The following JAKMIP1 variants were observed in gnomAD, a reference collection of about 807,000 sequenced individuals.
The protein encoded by JAKMIP1 is janus kinase and microtubule-interacting protein 1.
In JAKMIP1, 33 loss-of-function variants were observed where a neutral mutation model predicts 113.0. The observed-to-expected ratio is 0.29, with a 90% CI of 0.22 to 0.39. The LOEUF is 0.39. Ranked by LOEUF, JAKMIP1 falls within the 10% of genes least tolerant of loss-of-function variation. The probability of loss-of-function intolerance (pLI) is 1.00; values close to 1 mark genes in which losing one functional copy is unlikely to be tolerated. For missense variants in JAKMIP1, 813 were observed against 1,080.5 expected, an observed-to-expected ratio of 0.75 and a Z score of 3.47; for synonymous variants, 480 against 459.9, an observed-to-expected ratio of 1.04 and a Z score of -0.56.
chr4:6,071,634 C>G (rs1718971207), intron 8 of JAKMIP1, among the ~76,000 whole-genome samples: 1 of 152,200 alleles, frequency 6.6e-6, no homozygotes, highest in Non-Finnish European at 1.5e-5. Flanking sequence ...TGTTTGCTAC[C>G]CTGGACAAGG....
rs1728017489 is a variant in JAKMIP1 at position 6,197,930 on chromosome 4, G to T, written c.-148+2323C>A. On this transcript the variant is annotated intron_variant, in intron 1 of 20. Coordinates refer to ENST00000409021, the MANE Select transcript of JAKMIP1 (RefSeq NM_001099433.2). The surrounding 1 kb of genome is among the most constrained non-coding windows in gnomAD (Gnocchi z 6.5). The stretch of plus-strand genomic sequence containing the variant: ...CACCCTTACACACCAAGAGAGTGGG[G>T]CCACGGTCCTGCCACTTCCTCGTGC... 1.3e-5 allele frequency among the ~76,000 whole-genome samples: 2 copies of T among 152,340 alleles called. No individual in the cohort carries two copies. Among genetic ancestry groups the T allele is most frequent in the South Asian group, 4.1e-4 (2 of 4,824 alleles).
At chr4:6,134,465 ATCT>A (rs1718949630) in intron 1 of JAKMIP1, among the ~76,000 whole-genome samples, 2 of 152,070 alleles carry the variant, frequency 1.3e-5, no homozygotes, top group Admixed American at 6.5e-5. Context: ...CCACCTGTTC[ATCT>A]TCTTTAAAAT....
At chr4:6,085,083 C>A (rs1000112854) in intron 4 of JAKMIP1, 118 bp from the exon 5 acceptor site, 9 of 1,243,598 alleles carry the variant, frequency 7.2e-6, no homozygotes, top group Non-Finnish European at 9.8e-6. Flanking sequence ...TATTCAGGGG[C>A]CCACATGCCA....
intron 8 of JAKMIP1, among the ~76,000 whole-genome samples, chr4:6,078,442 TACA>T: frequency 6.6e-6 from 1 of 151,622 alleles, no homozygotes. Flanking sequence ...GTGCGCTCTT[TACA>T]TTCCAGATTG....
Position 6,049,008 on chromosome 4 carries a change from TC to T in JAKMIP1, c.1963-87del, listed in dbSNP as rs1715331874. The T allele has an allele frequency of 1.0e-6, 1 of 984,172 alleles. No homozygotes were observed. Among genetic ancestry groups the T allele is most frequent in the South Asian group, 1.4e-5 (1 of 72,146 alleles). 61.0% of individuals were successfully genotyped at this position (984,172 alleles called of 1,614,324 possible). ...TCAGCACCAAGCAAGTTTTTTTTTT[TC>T]GTTGTTGTTGTTTGTTTTATTATGT... On this transcript the variant is annotated intron_variant, in intron 15 of 20. Coordinates refer to ENST00000409021, the MANE Select transcript of JAKMIP1 (RefSeq NM_001099433.2). This position sits in a 1 kb window ranked among gnomAD's most constrained non-coding sequence, Gnocchi z 7.0.
rs777314238 is a variant in JAKMIP1, at chr4:6,042,133, C to T, written c.2097+26G>A. The T allele has an allele frequency of 4.4e-6, 7 of 1,597,912 alleles. No homozygotes were observed. In the African/African-American group the frequency reaches 5.4e-5, roughly 12 times the overall value. ...TCTGAGCTCTTTGAACCCTCTCCCC[C>T]ACCCCCAGGCAGTCAAATCTTTTAC... On this transcript the variant is annotated intron_variant, in intron 17 of 20. Transcript: ENST00000409021. The surrounding 1 kb of genome is among the most constrained non-coding windows in gnomAD (Gnocchi z 5.2).
At position 6,110,288 on chromosome 4, in the gene JAKMIP1, G is replaced by C. The variant is rs573849830; in HGVS notation, c.129+2434C>G. Among the ~76,000 whole-genome samples, 97 of 152,242 alleles carry C rather than the reference G, an allele frequency of 6.4e-4. 1 individual carries two copies. Among genetic ancestry groups the C allele is most frequent in the Admixed American group, 1.8e-3 (28 of 15,296 alleles). ...GGACAAACACAGAGGAGAAAGCCAT[G>C]TGAAGACACAGGGAGAAGGCGGCCG... On this transcript the variant is annotated intron_variant, in intron 2 of 20. Coordinates refer to ENST00000409021, the MANE Select transcript of JAKMIP1 (RefSeq NM_001099433.2).
At chr4:6,072,033 C>T (rs1422575840) in intron 8 of JAKMIP1, among the ~76,000 whole-genome samples, 2 of 152,224 alleles carry the variant, frequency 1.3e-5, no homozygotes, top group Non-Finnish European at 2.9e-5. Flanking sequence ...TCCTTTTGTT[C>T]CTAAGCAGAG....
In JAKMIP1 at chr4:6,042,235, A is replaced by G; in HGVS notation, c.2029-8T>C. 1.9e-6 allele frequency: 3 copies of G among 1,612,366 alleles called. No homozygotes were observed. Among genetic ancestry groups the G allele is most frequent in the Non-Finnish European group, 2.5e-6 (3 of 1,178,690 alleles). ...CTCTATTTGCTTCAGCCACTAGAAA[A>G]CAGCAGGGACAGGACGGGTGCAGCA... On this transcript the variant is annotated splice_region_variant and splice_polypyrimidine_tract_variant and intron_variant, in intron 16 of 20. Coordinates refer to ENST00000409021, the MANE Select transcript of JAKMIP1 (RefSeq NM_001099433.2). The surrounding 1 kb of genome is among the most constrained non-coding windows in gnomAD (Gnocchi z 5.2).
Position 6,089,529 on chromosome 4 carries a change from C to T in JAKMIP1, c.625-3900G>A, listed in dbSNP as rs1191205677. Among the ~76,000 whole-genome samples the T allele has an allele frequency of 6.6e-6, 1 of 152,182 alleles. No individual in the cohort carries two copies. The highest frequency in any genetic ancestry group is 2.4e-5 in the African/African-American group (1 of 41,436). On this transcript the variant is annotated intron_variant, in intron 3 of 20. Transcript: ENST00000409021. The surrounding 1 kb of genome is among the most constrained non-coding windows in gnomAD (Gnocchi z 5.3). ...CTTGAGGCCCAGAAAGGGGAATGTG[C>T]TAACACTCTAGTTAGCAGCAGAACC...
At position 6,105,653 on chromosome 4, in the gene JAKMIP1, G is replaced by T. The variant is rs780524678; in HGVS notation, c.444C>A (p.Arg148=). 6.3e-7 allele frequency: 1 copy of T among 1,599,446 alleles called. No homozygotes were observed. Among genetic ancestry groups the T allele is most frequent in the African/African-American group, 1.3e-5 (1 of 74,730 alleles). Reference sequence around the variant, plus strand: ...CCAGGATCTCCTGCTGCAGCCGCAGGCGCTCTCCATCGAAGGCCCTGCGCG... The same window carrying T: ...CCAGGATCTCCTGCTGCAGCCGCAGTCGCTCTCCATCGAAGGCCCTGCGCG... The part of the protein sequence containing the change: ...EEARRAFDGE[R]LRLQQEILEL... Residue 148 remains arginine, a synonymous_variant, in exon 3 of 21, where the codon CGC becomes CGA. Coordinates refer to ENST00000409021, the MANE Select transcript of JAKMIP1 (RefSeq NM_001099433.2).
chr4:6,116,934 A>G lies in JAKMIP1; in HGVS notation c.-147-3937T>C, dbSNP rs1355562730. Among the ~76,000 whole-genome samples, 1 of 152,246 alleles carries G rather than the reference A, an allele frequency of 6.6e-6. No individual in the cohort carries two copies. The highest frequency in any genetic ancestry group is 1.5e-5 in the Non-Finnish European group (1 of 68,042). On this transcript the variant is annotated intron_variant, in intron 1 of 20. Transcript: ENST00000409021. The surrounding 1 kb of genome is among the most constrained non-coding windows in gnomAD (Gnocchi z 5.1). The stretch of plus-strand genomic sequence containing the variant: ...CAGACCACGTGGGGGTTCTACACCA[A>G]GCACAGAGTCAAGACCAGCTATGTA...
chr4:6,172,177 G>A (rs1017909649), intron 1 of JAKMIP1, among the ~76,000 whole-genome samples: 1 of 152,156 alleles, frequency 6.6e-6, no homozygotes, highest in African/African-American at 2.4e-5. Context: ...GATTTCTCTG[G>A]TCTGACTTGG....
At chr4:6,104,214 G>A (rs1334897085) in intron 3 of JAKMIP1, among the ~76,000 whole-genome samples, 2 of 152,216 alleles carry the variant, frequency 1.3e-5, no homozygotes, top group East Asian at 1.9e-4. Flanking sequence ...GTAAGTTCAC[G>A]TTGGTTAATT....
rs937528942 is a variant in JAKMIP1, at chr4:6,179,189, C to T, written c.-148+21064G>A. ...TCCCATGCCACCTTTGCTGAAACCA[C>T]CTGGGCAGCCCTATGTGGCTGGAGA... On this transcript the variant is annotated intron_variant, in intron 1 of 20. Coordinates refer to ENST00000409021, the MANE Select transcript of JAKMIP1 (RefSeq NM_001099433.2). This position sits in a 1 kb window ranked among gnomAD's most constrained non-coding sequence, Gnocchi z 4.5. Among the ~76,000 whole-genome samples, 1 of 152,192 alleles carries T rather than the reference C, an allele frequency of 6.6e-6. No homozygotes were observed. Among genetic ancestry groups the T allele is most frequent in the Non-Finnish European group, 1.5e-5 (1 of 68,034 alleles).
intron 1 of JAKMIP1, among the ~76,000 whole-genome samples, chr4:6,119,715 G>A (rs1422654288): frequency 5.3e-5 from 8 of 152,172 alleles, no homozygotes; most frequent in African/African-American, 1.2e-4. Context: ...AATGCCTCCC[G>A]GCTGAACAGG....
chr4:6,161,418 G>A (rs371729296), intron 1 of JAKMIP1, among the ~76,000 whole-genome samples: 3 of 149,882 alleles, frequency 2.0e-5, no homozygotes, highest in East Asian at 3.9e-4. Context: ...GCTGGCAGGT[G>A]TGCTAAAGGA....
rs7683821 is a variant in JAKMIP1, at chr4:6,181,584, G to T, written c.-148+18669C>A. Among the ~76,000 whole-genome samples, 10 of 152,324 alleles carry T rather than the reference G, an allele frequency of 6.6e-5. No homozygotes were observed. The highest frequency in any genetic ancestry group is 4.1e-4 in the South Asian group (2 of 4,832). ...GGGCCTATGGGTGCCAGCGTGGTGA[G>T]GGAAGGGACATCCAAAGTGGGCTGT... On this transcript the variant is annotated intron_variant, in intron 1 of 20. Transcript: ENST00000409021. This position sits in a 1 kb window ranked among gnomAD's most constrained non-coding sequence, Gnocchi z 5.4.
At chr4:6,043,116 T>A (rs574865341) in intron 16 of JAKMIP1, among the ~76,000 whole-genome samples, 20 of 151,768 alleles carry the variant, frequency 1.3e-4, no homozygotes, top group African/African-American at 4.8e-4. Flanking sequence ...GTGTCCGGGT[T>A]TGACAACACC....
Sources: allele counts gnomAD v4.1 joint callset (sites outside exome capture counted in the v4.1 genomes callset), GRCh38; gene constraint gnomAD v4.1.1; non-coding constraint Gnocchi (gnomAD v3.1); transcripts MANE v1.5; gene names NCBI Gene and HGNC (gene_info 2026-07-23, HGNC 2026-07-21).